MAPK7: variants seen among roughly 807,000 people sequenced by gnomAD.
The protein encoded by MAPK7 is BMK-1.
A neutral mutation model predicts 56.9 loss-of-function variants in MAPK7; 30 were observed. The observed-to-expected ratio is 0.53, with a 90% confidence interval of 0.39 to 0.72. MAPK7 has a LOEUF of 0.72. Among genes scored for constraint, MAPK7 ranks in the 30% least tolerant of loss-of-function variants. MAPK7 has a pLI of 0.00. For synonymous variants in MAPK7, 516 were observed against 449.3 expected (o/e 1.15, Z -1.88); for missense variants, 952 against 1,110.8 (o/e 0.86, Z 2.03).
chr17:19,379,254 T>G, intron 2 of MAPK7, 122 bp downstream of exon 2: 2 of 844,162 alleles, frequency 2.4e-6, no homozygotes, highest in African/African-American at 1.7e-5. Flanking sequence ...CAACACACAC[T>G]GACCAGGGCC....
chr17:19,378,510 G>A lies in MAPK7; in HGVS notation c.-126G>A. ...GAGGGGGACGGACAGGGCAGCTCAA[G>A]ACGCTGAGGTGGTGGCTGCGGCCTT... On this transcript the variant is annotated 5_prime_UTR_variant, in exon 1 of 7. Coordinates refer to ENST00000395604, the MANE Select transcript of MAPK7 (RefSeq NM_002749.4). The surrounding 1 kb of genome is among the most constrained non-coding windows in gnomAD (Gnocchi z 5.4). 9.1e-7 allele frequency: 1 copy of A among 1,097,202 alleles called. No homozygotes were observed. 68.0% of individuals were successfully genotyped at this position (1,097,202 alleles called of 1,614,324 possible). A position where few individuals can be genotyped will look rare whatever the true frequency, so the allele number is the denominator to read the frequency against.
intron 6 of MAPK7, 22 bp downstream of exon 6, chr17:19,382,968 C>T: frequency 6.2e-7 from 1 of 1,613,982 alleles, no homozygotes; most frequent in Non-Finnish European, 8.5e-7. Context: ...GGACTGAGCT[C>T]CTAGACTGGG....
In MAPK7 at chr17:19,378,733, G is replaced by A. The variant is rs944907687; in HGVS notation, c.-6+103G>A. 9.6e-6 allele frequency: 13 copies of A among 1,351,390 alleles called. No individual in the cohort carries two copies. The highest frequency in any genetic ancestry group is 1.2e-5 in the Non-Finnish European group (12 of 1,029,778). The allele number at this position is 1,351,390 out of a possible 1,614,324, so 83.7% of individuals were successfully genotyped here. Reference sequence around the variant, plus strand: ...CGACCCTGGCGGGCCCCCGGCTCTGGGCCCGGACCCCTGGGGTAGCTAGTC... The same window carrying A: ...CGACCCTGGCGGGCCCCCGGCTCTGAGCCCGGACCCCTGGGGTAGCTAGTC... On this transcript the variant is annotated intron_variant, in intron 1 of 6. Transcript: ENST00000395604. The surrounding 1 kb of genome is among the most constrained non-coding windows in gnomAD (Gnocchi z 5.4).
upstream of MAPK7, chr17:19,378,492 A>C: frequency 9.6e-7 from 1 of 1,037,222 alleles, no homozygotes. The surrounding 1 kb of genome is among the most constrained non-coding windows in gnomAD (Gnocchi z 5.4). Flanking sequence ...GCGGAGGGGG[A>C]CGGACAGGGC....
chr17:19,381,218 T>C lies in MAPK7; in HGVS notation c.1009T>C (p.Ser337Pro), dbSNP rs1912628241. The change falls in exon 4 of 7, where the codon TCA becomes CCA. Residue 337 changes from serine (S) to proline (P), a missense_variant. Transcript: ENST00000395604. This position sits in a 1 kb window ranked among gnomAD's most constrained non-coding sequence, Gnocchi z 4.6. The part of the protein sequence containing the change: ...MLRFEPSARI[S>P]AAAALRHPFL... ...GCGTTTTGAGCCCAGCGCTCGCATC[T>C]CAGCAGCTGCTGCCCTTCGCCACCC... 1 of 1,614,122 alleles carries C rather than the reference T, an allele frequency of 6.2e-7. No individual in the cohort carries two copies. Among genetic ancestry groups the C allele is most frequent in the East Asian group, 2.2e-5 (1 of 44,878 alleles).
rs140364539 is a variant in MAPK7, at chr17:19,380,012, C to T, written c.398+65C>T. On this transcript the variant is annotated intron_variant, in intron 3 of 6. Coordinates refer to ENST00000395604, the MANE Select transcript of MAPK7 (RefSeq NM_002749.4). ...TTTCTGAAGGCTGCAACCATGTTGCCGAAGTTCTGGAAAGGCAGCTGAATC... is the reference window on the plus strand; with the variant it reads ...TTTCTGAAGGCTGCAACCATGTTGCTGAAGTTCTGGAAAGGCAGCTGAATC... 2.4e-3 allele frequency: 3,694 copies of T among 1,544,140 alleles called. 9 individuals carry two copies. Among genetic ancestry groups the T allele is most frequent in the Non-Finnish European group, 3.0e-3 (3,362 of 1,137,184 alleles).
rs1912775761 is a variant in MAPK7 at position 19,382,284 on chromosome 17, A to G, written c.1981A>G (p.Thr661Ala). 6.3e-7 allele frequency: 1 copy of G among 1,579,450 alleles called. No homozygotes were observed. The highest frequency in any genetic ancestry group is 8.6e-7 in the Non-Finnish European group (1 of 1,168,872). The change falls in exon 5 of 7, where the codon ACC (threonine) becomes GCC (alanine). Residue 661 changes from threonine (T) to alanine (A), a missense_variant. Physicochemically the swap from Thr to Ala is moderately conservative, Grantham distance 58. Transcript: ENST00000395604. The part of the protein sequence containing the change: ...VPAPPQIATS[T>A]SLLAAQSLVP... ...CGCGCCACCCCAGATTGCCACCTCC[A>G]CCAGCCTCCTGGCTGCCCAGTCACT...
At chr17:19,378,460 G>T, upstream of MAPK7, 1 of 1,027,936 alleles carries the variant, frequency 9.7e-7, no homozygotes, top group Non-Finnish European at 1.2e-6. The surrounding 1 kb of genome is among the most constrained non-coding windows in gnomAD (Gnocchi z 5.4). Flanking sequence ...GAGCTGGAGG[G>T]AGCGTGGCCT....
intron 5 of MAPK7, 84 bp from the exon 6 acceptor site, chr17:19,382,729 T>C (rs1912827745): frequency 3.9e-6 from 6 of 1,542,854 alleles, no homozygotes; most frequent in South Asian, 3.7e-5. Context: ...CTCCCAGATA[T>C]CCAGGCGGAG....
chr17:19,379,598 T>G, intron 2 of MAPK7, 184 bp from the exon 3 acceptor site: 2 of 600,428 alleles, frequency 3.3e-6, no homozygotes, highest in South Asian at 2.1e-5. Context: ...CGCAGGGGAG[T>G]TGTGAAGGTA....
chr17:19,379,997 C>T, intron 3 of MAPK7, 50 bp downstream of exon 3: 2 of 1,570,036 alleles, frequency 1.3e-6, no homozygotes. Context: ...TTTCTGAAGG[C>T]TGCAACCATG....
chr17:19,378,356 G>C (rs1912279884), upstream of MAPK7: 1 of 988,312 alleles, frequency 1.0e-6, no homozygotes, highest in Middle Eastern at 5.2e-4. The surrounding 1 kb of genome is among the most constrained non-coding windows in gnomAD (Gnocchi z 5.4). Context: ...AGCGGCGCGC[G>C]CCAGGCGTGG....
At chr17:19,380,030 GC>G in intron 3 of MAPK7, 83 bp downstream of exon 3, 1 of 1,484,040 alleles carries the variant, frequency 6.7e-7, no homozygotes, top group Admixed American at 1.9e-5. Flanking sequence ...TGGAAAGGCA[GC>G]TGAATCTAAT....
intron 2 of MAPK7, 127 bp downstream of exon 2, chr17:19,379,259 A>G: frequency 1.2e-6 from 1 of 827,148 alleles, no homozygotes; most frequent in Non-Finnish European, 1.9e-6. Flanking sequence ...CACACTGACC[A>G]GGGCCTTCTG....
At chr17:19,377,788 G>A, upstream of MAPK7, 5 of 975,364 alleles carry the variant, frequency 5.1e-6, no homozygotes, top group Non-Finnish European at 6.1e-6. Flanking sequence ...TTGGGCGGCC[G>A]CCTCGGTTAA....
chr17:19,381,406 C>G lies in MAPK7; in HGVS notation c.1197C>G (p.Ile399Met). 3.1e-6 allele frequency: 5 copies of G among 1,614,206 alleles called. No homozygotes were observed. Among genetic ancestry groups the G allele is most frequent in the Admixed American group, 1.7e-5 (1 of 60,030 alleles). ...GGCGTGAGGGCATCCGCCAACAGAT[C>G]CGCTTCCAGCCTTCTCTACAGCCTG... ...HARREGIRQQIRFQPSLQPVA... is the reference protein window; with the variant it reads ...HARREGIRQQMRFQPSLQPVA... The change falls in exon 4 of 7, where the codon ATC (isoleucine) becomes ATG (methionine). Residue 399 changes from isoleucine (I) to methionine (M), a missense_variant. By Grantham distance (10) the Ile-to-Met change is conservative. This residue lies in a region of MAPK7 where 429 missense variants were observed against 533.0 expected (regional missense o/e 0.80). Transcript: ENST00000395604. This position sits in a 1 kb window ranked among gnomAD's most constrained non-coding sequence, Gnocchi z 4.6.
chr17:19,380,596 T>C lies in MAPK7; in HGVS notation c.399-12T>C, dbSNP rs779407198. ...GGCCAACCCATGCTTCTCTCCTTCC[T>C]TCCCCTTCCAGCTACGTGGTCCTGG... is the stretch of plus-strand genomic sequence containing the variant. On this transcript the variant is annotated splice_polypyrimidine_tract_variant and intron_variant, in intron 3 of 6. Transcript: ENST00000395604. 3 of 1,581,730 alleles carry C rather than the reference T, an allele frequency of 1.9e-6. No individual in the cohort carries two copies. The highest frequency in any genetic ancestry group is 2.6e-6 in the Non-Finnish European group (3 of 1,159,440).
chr17:19,379,308 C>T (rs948466425), intron 2 of MAPK7, 176 bp downstream of exon 2: 1 of 633,030 alleles, frequency 1.6e-6, no homozygotes, highest in Non-Finnish European at 2.7e-6. Context: ...TCTGAAACTC[C>T]GGCCTGGTGG....
chr17:19,378,739 G>T lies in MAPK7; in HGVS notation c.-6+109G>T. ...TGGCGGGCCCCCGGCTCTGGGCCCG[G>T]ACCCCTGGGGTAGCTAGTCTGCCAC... On this transcript the variant is annotated intron_variant, in intron 1 of 6. Coordinates refer to ENST00000395604, the MANE Select transcript of MAPK7 (RefSeq NM_002749.4). The surrounding 1 kb of genome is among the most constrained non-coding windows in gnomAD (Gnocchi z 5.4). 1.5e-6 allele frequency: 2 copies of T among 1,325,194 alleles called. No homozygotes were observed. Among genetic ancestry groups the T allele is most frequent in the Non-Finnish European group, 2.0e-6 (2 of 1,005,080 alleles). The allele number at this position is 1,325,194 out of a possible 1,614,324, so 82.1% of individuals were successfully genotyped here.
Sources: gnomAD v4.1 joint callset for allele counts on GRCh38, gnomAD v4.1.1 for gene constraint, gnomAD v4.1.1 regional missense constraint, Gnocchi (gnomAD v3.1) non-coding constraint, MANE v1.5 for transcripts, NCBI Gene and HGNC (gene_info 2026-07-23, HGNC 2026-07-21) for gene names.